Variants in NCK1 observed in about 807,000 individuals in gnomAD.
The protein encoded by NCK1 is NCK adaptor protein 1, also known as SH2/SH3 adapter protein NCK1.
In NCK1, 19 loss-of-function variants were observed where a neutral mutation model predicts 36.6. The observed-to-expected ratio is 0.52, with a 90% confidence interval of 0.36 to 0.76. NCK1 has a LOEUF of 0.76. Ranked by LOEUF, NCK1 falls within the 30% of genes least tolerant of loss-of-function variation. The pLI is 0.00. For synonymous variants in NCK1, 165 were observed against 156.0 expected, an observed-to-expected ratio of 1.06 and a Z score of -0.43; for missense variants, 358 against 445.6, an observed-to-expected ratio of 0.80 and a Z score of 1.77.
chr3:136,876,025 A>G (rs1938756725), intron 1 of NCK1, among the ~76,000 whole-genome samples: 1 of 151,744 alleles, frequency 6.6e-6, no homozygotes, highest in Non-Finnish European at 1.5e-5. Flanking sequence ...AACTACATGG[A>G]AACTGAACAA....
chr3:136,911,810 A>G (rs771454065), intron 1 of NCK1, among the ~76,000 whole-genome samples: 1 of 151,482 alleles, frequency 6.6e-6, no homozygotes, highest in Non-Finnish European at 1.5e-5. Context: ...GAAAGTCATA[A>G]TTTTTCCCTC....
At chr3:136,865,334 C>T (rs899651409) in intron 1 of NCK1, among the ~76,000 whole-genome samples, 1 of 152,202 alleles carries the variant, frequency 6.6e-6, no homozygotes, top group Non-Finnish European at 1.5e-5. Context: ...ATCTGCCCAC[C>T]TCCGCCTCCC....
chr3:136,902,041 G>C (rs1180734647), intron 1 of NCK1, among the ~76,000 whole-genome samples: 1 of 151,616 alleles, frequency 6.6e-6, no homozygotes, highest in South Asian at 2.1e-4. Context: ...ATAGATTTTC[G>C]GTATGTTGTA....
chr3:136,869,685 TTTC>T (rs1349830882), intron 1 of NCK1, among the ~76,000 whole-genome samples: 2 of 152,246 alleles, frequency 1.3e-5, no homozygotes, highest in African/African-American at 2.4e-5. Context: ...CTTTCGTATT[TTTC>T]TTATGTGTAC....
chr3:136,911,547 T>C (rs1468906292), intron 1 of NCK1, among the ~76,000 whole-genome samples: 5 of 152,222 alleles, frequency 3.3e-5, no homozygotes, highest in African/African-American at 4.8e-5. Flanking sequence ...TTTTGAGAAA[T>C]GTTTGTTCAA....
At chr3:136,873,056 G>C (rs900215573) in intron 1 of NCK1, among the ~76,000 whole-genome samples, 5 of 152,192 alleles carry the variant, frequency 3.3e-5, no homozygotes, top group African/African-American at 1.2e-4. Flanking sequence ...CCGCCTAGTG[G>C]AGCTGTGAGA....
chr3:136,889,300 C>T lies in NCK1; in HGVS notation c.-19+26947C>T, dbSNP rs547805639. 9.6e-4 allele frequency: 169 copies of T among 175,650 alleles called. 1 individual carries two copies. Among genetic ancestry groups the T allele is most frequent in the African/African-American group, 3.8e-3 (158 of 41,900 alleles). The allele number at this position is 175,650 out of a possible 1,614,324, so 10.9% of individuals were successfully genotyped here. A position where few individuals can be genotyped will look rare whatever the true frequency, so the allele number is the denominator to read the frequency against. On this transcript the variant is annotated intron_variant, in intron 1 of 3. Coordinates refer to ENST00000481752, the MANE Select transcript of NCK1 (RefSeq NM_001291999.2). ...TCAAGAATGAAGCCGCGGACCCTCG[C>T]GGTGAGTGTTACAGCTGTTAAGGTG...
chr3:136,914,717 C>G (rs1051468692), intron 1 of NCK1, among the ~76,000 whole-genome samples: 7 of 152,290 alleles, frequency 4.6e-5, no homozygotes, highest in Admixed American at 4.6e-4. Context: ...TTCTGGCTTC[C>G]AGCCAGAAGA....
At chr3:136,862,390 C>G (rs147540017) in intron 1 of NCK1, 37 bp downstream of exon 1, 1 of 152,604 alleles carries the variant, frequency 6.6e-6, no homozygotes, top group Non-Finnish European at 1.5e-5. Context: ...CACACACACA[C>G]CCCCCTTCAG....
chr3:136,923,316 G>A (rs1191640381), intron 1 of NCK1, among the ~76,000 whole-genome samples: 3 of 151,782 alleles, frequency 2.0e-5, no homozygotes, highest in Non-Finnish European at 4.4e-5. Flanking sequence ...AGCACTTTGG[G>A]AGGCCGAGGC....
intron 2 of NCK1, among the ~76,000 whole-genome samples, chr3:136,943,005 A>G (rs556661815): frequency 2.0e-5 from 3 of 152,304 alleles, no homozygotes; most frequent in African/African-American, 7.2e-5. Context: ...TTAGGAGTGC[A>G]GGTTACTGTC....
Position 136,910,440 on chromosome 3 carries a change from G to A in NCK1, c.-18-17544G>A, listed in dbSNP as rs192758332. Among the ~76,000 whole-genome samples, 278 of 152,268 alleles carry A rather than the reference G, an allele frequency of 1.8e-3. 2 individuals are homozygous for A. The highest frequency in any genetic ancestry group is 6.4e-3 in the African/African-American group (265 of 41,572). On this transcript the variant is annotated intron_variant, in intron 1 of 3. Transcript: ENST00000481752. The stretch of plus-strand genomic sequence containing the variant: ...CAATTATTCTAGCTTTTAGAGTAAT[G>A]TTTTTGTTGTGTAGTAAAGTTATGT...
At chr3:136,891,573 G>A (rs1160889349) in intron 1 of NCK1, among the ~76,000 whole-genome samples, 2 of 152,210 alleles carry the variant, frequency 1.3e-5, no homozygotes, top group African/African-American at 4.8e-5. Context: ...TTGCTGGATT[G>A]TATGGTAATT....
chr3:136,915,215 T>C (rs1456382709), intron 1 of NCK1, among the ~76,000 whole-genome samples: 4 of 152,004 alleles, frequency 2.6e-5, no homozygotes, highest in Non-Finnish European at 4.4e-5. Flanking sequence ...TACTAAGGGG[T>C]AGTAGTAGTG....
chr3:136,915,579 C>T (rs1482977524), intron 1 of NCK1, among the ~76,000 whole-genome samples: 2 of 152,234 alleles, frequency 1.3e-5, no homozygotes, highest in African/African-American at 2.4e-5. Context: ...TATTAGTCTG[C>T]TCTCACGTTG....
chr3:136,869,655 A>G (rs1025074401), intron 1 of NCK1, among the ~76,000 whole-genome samples: 7 of 152,220 alleles, frequency 4.6e-5, no homozygotes, highest in Non-Finnish European at 5.9e-5. Flanking sequence ...AGTTTCTGTA[A>G]CAGAAACCAT....
chr3:136,895,498 C>T (rs1939370296), intron 1 of NCK1, among the ~76,000 whole-genome samples: 1 of 151,750 alleles, frequency 6.6e-6, no homozygotes, highest in African/African-American at 2.4e-5. Flanking sequence ...CATCTTTTCT[C>T]TGTTAATGTT....
chr3:136,877,987 A>T (rs535486931), intron 1 of NCK1, among the ~76,000 whole-genome samples: 2 of 152,342 alleles, frequency 1.3e-5, no homozygotes, highest in Admixed American at 1.3e-4. Flanking sequence ...TTTGGCAGTA[A>T]AAAGGAATAT....
chr3:136,924,336 A>C (rs1209600093), intron 1 of NCK1, among the ~76,000 whole-genome samples: 2 of 152,230 alleles, frequency 1.3e-5, no homozygotes, highest in African/African-American at 4.8e-5. Context: ...GAGGAACACC[A>C]TGAAAATATA....
Sources: allele counts gnomAD v4.1 joint callset (sites outside exome capture counted in the v4.1 genomes callset), GRCh38; gene constraint gnomAD v4.1.1; transcripts MANE v1.5; gene names NCBI Gene and HGNC (gene_info 2026-07-23, HGNC 2026-07-21).